OTUD7A: variants seen among roughly 807,000 people sequenced by gnomAD.
OTUD7A encodes OTU domain-containing protein 7A.
Under a neutral mutation model 65.7 loss-of-function variants are expected in OTUD7A, and 12 were observed. That is an observed-to-expected ratio of 0.18 (90% CI 0.12 to 0.30). OTUD7A has a LOEUF of 0.30. Among genes scored for constraint, OTUD7A ranks in the 10% least tolerant of loss-of-function variants. The pLI is 1.00. For missense variants in OTUD7A, 1,148 were observed against 1,304.8 expected, an observed-to-expected ratio of 0.88 and a Z score of 1.85; for synonymous variants, 641 against 586.3, an observed-to-expected ratio of 1.09 and a Z score of -1.35.
At position 31,764,550 on chromosome 15, in the gene OTUD7A, G is replaced by C. The variant is rs543449564; in HGVS notation, c.-100+105957C>G. Among the ~76,000 whole-genome samples, 9 of 152,194 alleles carry C rather than the reference G, an allele frequency of 5.9e-5. No homozygotes were observed. In the East Asian group the frequency reaches 1.7e-3, roughly 29 times the overall value. On this transcript the variant is annotated intron_variant, in intron 1 of 12. Transcript: ENST00000307050. ...AATCAAGCAGAAACTGAAGAACCTT[G>C]TTTTAAGATGAGAGTCATTTATACT...
Position 31,567,450 on chromosome 15 carries a change from TAAGGGAAGCAGAATGTAA to T in OTUD7A, c.331+2550_331+2567del, listed in dbSNP as rs573626988. On this transcript the variant is annotated intron_variant, in intron 4 of 12. Coordinates refer to ENST00000307050, the MANE Select transcript of OTUD7A (RefSeq NM_001382637.1). ...AAAGATAGGAGTTGGAACTTATATT[TAAGGGAAGCAGAATGTAA>T]AAGGGAAGCAGAATGTAAAAGTTTG... 3.9e-5 allele frequency among the ~76,000 whole-genome samples: 6 copies of T among 152,284 alleles called. No individual in the cohort carries two copies. In the East Asian group the frequency reaches 5.8e-4, roughly 15 times the overall value.
At chr15:31,746,950 G>GAATT in intron 1 of OTUD7A, among the ~76,000 whole-genome samples, 1 of 152,160 alleles carries the variant, frequency 6.6e-6, no homozygotes. Context: ...ATTTATATTG[G>GAATT]TAGATGCGTT....
chr15:31,696,638 A>T (rs899192614), intron 1 of OTUD7A, among the ~76,000 whole-genome samples: 5 of 149,088 alleles, frequency 3.4e-5, no homozygotes, highest in African/African-American at 1.2e-4. Context: ...CCCAGTGCTC[A>T]GAGGCACGCG....
chr15:31,800,287 G>A (rs1896085549), intron 1 of OTUD7A, among the ~76,000 whole-genome samples: 1 of 152,110 alleles, frequency 6.6e-6, no homozygotes, highest in Non-Finnish European at 1.5e-5. Flanking sequence ...CTGCTCCCAG[G>A]CAAAAAGCCC....
chr15:31,846,416 C>T (rs1355945127), intron 1 of OTUD7A, among the ~76,000 whole-genome samples: 1 of 152,158 alleles, frequency 6.6e-6, no homozygotes, highest in Non-Finnish European at 1.5e-5. Context: ...GGAAGGAGCA[C>T]ATATTGCAGA....
At chr15:31,792,903 C>A (rs539798391) in intron 1 of OTUD7A, among the ~76,000 whole-genome samples, 1 of 152,134 alleles carries the variant, frequency 6.6e-6, no homozygotes, top group African/African-American at 2.4e-5. Flanking sequence ...AGGCTGCCCC[C>A]CTGCCTGGCA....
At chr15:31,735,130 T>C (rs1358944906) in intron 1 of OTUD7A, among the ~76,000 whole-genome samples, 2 of 152,096 alleles carry the variant, frequency 1.3e-5, no homozygotes, top group Non-Finnish European at 2.9e-5. Flanking sequence ...TAGTCAACAA[T>C]CATATGAATA....
At chr15:31,806,988 G>C (rs1896285741) in intron 1 of OTUD7A, among the ~76,000 whole-genome samples, 2 of 152,142 alleles carry the variant, frequency 1.3e-5, no homozygotes, top group South Asian at 2.1e-4. Context: ...CCAAGAAGTG[G>C]GGTGGCCTTG....
intron 5 of OTUD7A, chr15:31,556,301 G>C (rs910291756): frequency 6.6e-6 from 1 of 152,212 alleles, no homozygotes; most frequent in African/African-American, 2.4e-5. Flanking sequence ...TCCTGCGAGT[G>C]TAGACCAGAT....
At position 31,694,831 on chromosome 15, in the gene OTUD7A, T is replaced by G. The variant is rs114329887; in HGVS notation, c.-99-37754A>C. 5.5e-3 allele frequency among the ~76,000 whole-genome samples: 840 copies of G among 152,066 alleles called. 10 individuals are homozygous for G. Among genetic ancestry groups the G allele is most frequent in the African/African-American group, 0.019 (805 of 41,358 alleles). On this transcript the variant is annotated intron_variant, in intron 1 of 12. Coordinates refer to ENST00000307050, the MANE Select transcript of OTUD7A (RefSeq NM_001382637.1). Reference sequence around the variant, plus strand: ...CACTGAATATTATCCATTGTGTATTTATACCACGTTTTACATTTTCTTTTT... The same window carrying G: ...CACTGAATATTATCCATTGTGTATTGATACCACGTTTTACATTTTCTTTTT...
At position 31,761,635 on chromosome 15, in the gene OTUD7A, T is replaced by C. The variant is rs138321193; in HGVS notation, c.-99-104558A>G. 7.2e-5 allele frequency among the ~76,000 whole-genome samples: 11 copies of C among 152,288 alleles called. No homozygotes were observed. The East Asian group carries it at 1.9e-3, about 27-fold the overall frequency. ...TCAGCAGTTACTCAAAAGTTAAGCA[T>C]AGAATTCCCATATGACCCAGACATT... On this transcript the variant is annotated intron_variant, in intron 1 of 12. Transcript: ENST00000307050.
chr15:31,571,364 C>T (rs890891273), intron 3 of OTUD7A, among the ~76,000 whole-genome samples: 1 of 152,148 alleles, frequency 6.6e-6, no homozygotes, highest in Non-Finnish European at 1.5e-5. Context: ...GAAGGAAAGG[C>T]GCAGAGGCCC....
intron 1 of OTUD7A, chr15:31,766,751 G>A: frequency 1.9e-6 from 3 of 1,611,994 alleles, no homozygotes; most frequent in Admixed American, 1.7e-5. Context: ...GCACTGAATG[G>A]CTTTTGAATA....
intron 9 of OTUD7A, among the ~76,000 whole-genome samples, chr15:31,502,788 A>C (rs1191885373): frequency 6.6e-6 from 1 of 152,134 alleles, no homozygotes; most frequent in Non-Finnish European, 1.5e-5. Flanking sequence ...AGACCTGCAG[A>C]CCTCAGCAGG....
intron 10 of OTUD7A, among the ~76,000 whole-genome samples, chr15:31,496,692 G>A (rs1369109355): frequency 6.6e-6 from 1 of 152,206 alleles, no homozygotes; most frequent in Non-Finnish European, 1.5e-5. Context: ...AAACTGGAAT[G>A]TTACATTCCG....
chr15:31,607,618 T>C (rs1023404920), intron 3 of OTUD7A, among the ~76,000 whole-genome samples: 2 of 152,222 alleles, frequency 1.3e-5, no homozygotes, highest in Non-Finnish European at 2.9e-5. Flanking sequence ...AAATTCCTAT[T>C]GCCTAGTGAT....
intron 1 of OTUD7A, among the ~76,000 whole-genome samples, chr15:31,683,515 A>C (rs1967209): frequency 0.99 from 150,964 of 152,290 alleles, 74,841 homozygotes; most frequent in Middle Eastern, 1. Context: ...GTTCTCACTG[A>C]CTCAGTTTTG....
At chr15:31,843,668 T>C (rs1897237237) in intron 1 of OTUD7A, among the ~76,000 whole-genome samples, 1 of 152,308 alleles carries the variant, frequency 6.6e-6, no homozygotes, top group African/African-American at 2.4e-5. Context: ...GTCACAGTCA[T>C]TGTTTTTGGT....
chr15:31,547,325 A>G (rs764900877), intron 5 of OTUD7A, among the ~76,000 whole-genome samples: 2 of 152,226 alleles, frequency 1.3e-5, no homozygotes, highest in African/African-American at 2.4e-5. Flanking sequence ...GTGACTACAT[A>G]TTGTCATTAA....
Sources: gnomAD v4.1 joint callset for allele counts (sites outside exome capture counted in the v4.1 genomes callset) on GRCh38, gnomAD v4.1.1 for gene constraint, MANE v1.5 for transcripts, NCBI Gene and HGNC (gene_info 2026-07-23, HGNC 2026-07-21) for gene names.